COL11A1: variants seen among roughly 807,000 people sequenced by gnomAD.
COL11A1 encodes collagen type XI alpha 1 chain.
Under a neutral mutation model 265.2 loss-of-function variants are expected in COL11A1, and 74 were observed. The observed-to-expected ratio is 0.28, with a 90% CI of 0.23 to 0.34. The LOEUF (loss-of-function observed/expected upper bound fraction) is 0.34, where lower values mean the gene tolerates loss of function less well. Among genes scored for constraint, COL11A1 ranks in the 10% least tolerant of loss-of-function variants. The pLI is 1.00. For missense variants in COL11A1, 2,165 were observed against 2,263.6 expected, an observed-to-expected ratio of 0.96 and a Z score of 0.88; for synonymous variants, 816 against 727.6, an observed-to-expected ratio of 1.12 and a Z score of -1.96.
At chr1:102,951,542 T>G (rs1407688357) in intron 41 of COL11A1, among the ~76,000 whole-genome samples, 1 of 151,740 alleles carries the variant, frequency 6.6e-6, no homozygotes, top group Non-Finnish European at 1.5e-5. Context: ...CCAAATACAA[T>G]AAATTAGCTG....
intron 63 of COL11A1, chr1:102,884,577 A>G (rs2101033083): frequency 6.6e-6 from 1 of 152,318 alleles, no homozygotes; most frequent in African/African-American, 2.4e-5. Flanking sequence ...ACTGGTAAAT[A>G]ACCTTCCTCT....
intron 1 of COL11A1, among the ~76,000 whole-genome samples, chr1:103,087,259 C>T (rs1415364): frequency 0.5 from 75,335 of 151,968 alleles, 21,796 homozygotes; most frequent in East Asian, 0.92. Flanking sequence ...ATTTTCCTGT[C>T]CTTTATTGAA....
intron 49 of COL11A1, among the ~76,000 whole-genome samples, chr1:102,918,860 C>A (rs1337391677): frequency 6.6e-6 from 1 of 152,040 alleles, no homozygotes; most frequent in Non-Finnish European, 1.5e-5. Flanking sequence ...GGCATTCATG[C>A]CTATTTTCAA....
intron 7 of COL11A1, among the ~76,000 whole-genome samples, chr1:103,024,555 A>G (rs1571073774): frequency 6.6e-6 from 1 of 152,174 alleles, no homozygotes; most frequent in Admixed American, 6.5e-5. Flanking sequence ...TGCTGTCTAC[A>G]GAGACTGCAT....
At position 103,037,252 on chromosome 1, in the gene COL11A1, T is replaced by TTGTGTG. The variant is rs10582908; in HGVS notation, c.652-6014_652-6009dup. Reference sequence around the variant, plus strand: ...ATACACAAGTAAAGATACATTTAGATTGTGTGTGTGTGTGTGTGTGTGTGT... The same window carrying TTGTGTG: ...ATACACAAGTAAAGATACATTTAGATTGTGTGTGTGTGTGTGTGTGTGTGTGTGTGT... On this transcript the variant is annotated intron_variant, in intron 4 of 66. Coordinates refer to ENST00000370096, the MANE Select transcript of COL11A1 (RefSeq NM_001854.4). Among the ~76,000 whole-genome samples, 508 of 145,216 alleles carry TTGTGTG rather than the reference T, an allele frequency of 3.5e-3. 4 individuals are homozygous for TTGTGTG. The highest frequency in any genetic ancestry group is 0.011 in the African/African-American group (444 of 39,172).
intron 1 of COL11A1, among the ~76,000 whole-genome samples, chr1:103,094,831 C>T (rs1673614537): frequency 6.6e-6 from 1 of 151,972 alleles, no homozygotes; most frequent in Non-Finnish European, 1.5e-5. Flanking sequence ...GTAATGAAGT[C>T]TTAGGGGAGC....
intron 15 of COL11A1, among the ~76,000 whole-genome samples, chr1:103,006,853 A>C (rs1368443028): frequency 2.0e-5 from 3 of 152,146 alleles, no homozygotes; most frequent in Non-Finnish European, 4.4e-5. Context: ...TTATATATGT[A>C]GACATGAGGT....
intron 23 of COL11A1, among the ~76,000 whole-genome samples, chr1:103,002,202 T>A (rs1665172576): frequency 6.6e-6 from 1 of 152,126 alleles, no homozygotes; most frequent in South Asian, 2.1e-4. Context: ...TGGCTATTAG[T>A]CCTGGCATTC....
chr1:103,015,589 T>C, intron 12 of COL11A1, 79 bp downstream of exon 12: 1 of 1,082,532 alleles, frequency 9.2e-7, no homozygotes, highest in Non-Finnish European at 1.4e-6. Flanking sequence ...TGATTGCTCT[T>C]CAATATGGTT....
intron 37 of COL11A1, among the ~76,000 whole-genome samples, chr1:102,967,450 A>C (rs1356771646): frequency 2.0e-5 from 3 of 151,634 alleles, no homozygotes; most frequent in African/African-American, 7.3e-5. Context: ...CCGTGTTAGA[A>C]AGGATGGTCT....
chr1:102,891,167 T>A lies in COL11A1; in HGVS notation c.4303-663A>T, dbSNP rs937366715. On this transcript the variant is annotated intron_variant, in intron 57 of 66. Coordinates refer to ENST00000370096, the MANE Select transcript of COL11A1 (RefSeq NM_001854.4). ...TTCTTTGTTCTCTTGAAATCAGATG[T>A]CCTTCACTATGATTACTGGAGAGAG... 5.9e-5 allele frequency among the ~76,000 whole-genome samples: 9 copies of A among 152,088 alleles called. No homozygotes were observed. The East Asian group carries it at 1.7e-3, about 29-fold the overall frequency.
chr1:102,967,103 T>C (rs1206645120), intron 37 of COL11A1, among the ~76,000 whole-genome samples: 1 of 152,084 alleles, frequency 6.6e-6, no homozygotes, highest in African/African-American at 2.4e-5. Context: ...CTTATCCTAG[T>C]AGACCTGTCT....
At chr1:103,011,153 T>C (rs904906050) in intron 14 of COL11A1, among the ~76,000 whole-genome samples, 14 of 152,144 alleles carry the variant, frequency 9.2e-5, no homozygotes, top group Non-Finnish European at 1.9e-4. Flanking sequence ...GAAAGTTTTA[T>C]TTTTAATAAA....
chr1:103,021,562 T>C, intron 9 of COL11A1, 145 bp downstream of exon 9: 1 of 664,852 alleles, frequency 1.5e-6, no homozygotes, highest in South Asian at 1.7e-5. Flanking sequence ...CAAGACCTTA[T>C]TAACTTACTT....
Position 102,878,061 on chromosome 1 carries a change from C to T in COL11A1, c.5379G>A (p.Gln1793=). 6.2e-7 allele frequency: 1 copy of T among 1,613,684 alleles called. No homozygotes were observed. The part of the protein sequence containing the change: ...VMINDFGDQN[Q]KFGFEVGPVC... ...CAGGACCAACTTCAAATCCGAACTTCTGATTCTGATCACCAAAGTCATTGA... is the reference window on the plus strand; with the variant it reads ...CAGGACCAACTTCAAATCCGAACTTTTGATTCTGATCACCAAAGTCATTGA... The change falls in exon 67 of 67, where the codon CAG becomes CAA. Residue 1793 remains glutamine, a synonymous_variant. Transcript: ENST00000370096.
intron 41 of COL11A1, among the ~76,000 whole-genome samples, chr1:102,948,612 A>G (rs1659557361): frequency 1.3e-5 from 2 of 152,094 alleles, no homozygotes; most frequent in African/African-American, 4.8e-5. Flanking sequence ...CTTATATTGC[A>G]TAATAAATGA....
chr1:102,918,485 T>TA (rs201415445), intron 49 of COL11A1, among the ~76,000 whole-genome samples: 4,914 of 151,970 alleles, frequency 0.032, 109 homozygotes, highest in Middle Eastern at 0.085. Context: ...AATTTTCCAA[T>TA]TAGAAATGGG....
chr1:103,062,178 T>C (rs1371026980), intron 4 of COL11A1, among the ~76,000 whole-genome samples: 1 of 151,906 alleles, frequency 6.6e-6, no homozygotes, highest in Non-Finnish European at 1.5e-5. Flanking sequence ...GAAGATTGAA[T>C]CAAAAATTAA....
At chr1:103,024,432 A>T (rs116374196) in intron 7 of COL11A1, among the ~76,000 whole-genome samples, 6,446 of 152,312 alleles carry the variant, frequency 0.042, 239 homozygotes, top group African/African-American at 0.097. Flanking sequence ...ATTAGATAAT[A>T]GTATTACACA....
Sources: gnomAD v4.1 joint callset for allele counts (sites outside exome capture counted in the v4.1 genomes callset) on GRCh38, gnomAD v4.1.1 for gene constraint, MANE v1.5 for transcripts, NCBI Gene and HGNC (gene_info 2026-07-23, HGNC 2026-07-21) for gene names.